SEC16B: variants seen among roughly 807,000 people sequenced by gnomAD.
The protein encoded by SEC16B is SEC16 homolog B, endoplasmic reticulum export factor, also known as protein transport protein Sec16B.
SEC16B carries 115 observed loss-of-function variants against 141.8 expected under a neutral mutation model. The observed-to-expected ratio is 0.81, with a 90% CI of 0.70 to 0.95. The LOEUF is 0.95. Ranked by LOEUF, SEC16B falls within the 40% of genes least tolerant of loss-of-function variation. SEC16B has a pLI of 0.00. For synonymous variants in SEC16B, 493 were observed against 492.5 expected, an observed-to-expected ratio of 1.00 and a Z score of -0.01; for missense variants, 1,291 against 1,312.3, an observed-to-expected ratio of 0.98 and a Z score of 0.25.
At chr1:177,968,578 G>A (rs990376646) in intron 1 of SEC16B, among the ~76,000 whole-genome samples, 5 of 152,190 alleles carry the variant, frequency 3.3e-5, no homozygotes, top group Admixed American at 6.5e-5. Context: ...TAACCTATGC[G>A]AAGTGCGTAA....
At chr1:177,979,541 A>C (rs1654315128) in intron 1 of SEC16B, among the ~76,000 whole-genome samples, 1 of 152,232 alleles carries the variant, frequency 6.6e-6, no homozygotes, top group Admixed American at 6.5e-5. Flanking sequence ...GCATAGCAGG[A>C]CAATTTCCAT....
At position 177,976,115 on chromosome 1, in the gene SEC16B, G is replaced by A. The variant is rs568725194; in HGVS notation, c.-58-8076C>T. 3.3e-5 allele frequency among the ~76,000 whole-genome samples: 5 copies of A among 152,302 alleles called. No individual in the cohort carries two copies. The East Asian group carries it at 9.7e-4, about 29-fold the overall frequency. On this transcript the variant is annotated intron_variant and NMD_transcript_variant, in intron 1 of 24. Coordinates refer to the SEC16B transcript ENST00000528461. ...TACAGGACCAAGGCACCCTGTGGTT[G>A]CACCCACAAAGGACTCCTTCAAATG...
rs949126896 is a variant in SEC16B at position 177,965,789 on chromosome 1, C to T, written c.412+104G>A. On this transcript the variant is annotated intron_variant, in intron 3 of 25. Coordinates refer to ENST00000308284, the MANE Select transcript of SEC16B (RefSeq NM_033127.4). ...GGTCTCGTCTGGCCAAGAAAGGATG[C>T]CCAAGGTGAGGGTCTGAACATGGCT... 6.2e-6 allele frequency: 4 copies of T among 642,468 alleles called. No individual in the cohort carries two copies. The African/African-American group carries it at 7.3e-5, about 12-fold the overall frequency. The allele number at this position is 642,468 out of a possible 1,614,324, so 39.8% of individuals were successfully genotyped here.
At chr1:177,977,542 C>T (rs1428526684) in intron 1 of SEC16B, among the ~76,000 whole-genome samples, 4 of 152,154 alleles carry the variant, frequency 2.6e-5, no homozygotes, top group African/African-American at 4.8e-5. Flanking sequence ...CTTTCAGCTC[C>T]ATATAGAAAC....
At chr1:177,931,080 GC>G (rs1476305854) in intron 24 of SEC16B, among the ~76,000 whole-genome samples, 1 of 152,138 alleles carries the variant, frequency 6.6e-6, no homozygotes, top group African/African-American at 2.4e-5. Flanking sequence ...CTGGGTATCG[GC>G]CCAAAAGGAA....
chr1:177,951,987 C>A lies in SEC16B; in HGVS notation c.1472G>T (p.Ser491Ile). The A allele has an allele frequency of 6.2e-7, 1 of 1,600,284 alleles. No homozygotes were observed. The highest frequency in any genetic ancestry group is 8.5e-7 in the Non-Finnish European group (1 of 1,173,778). ...CAGTGGGTCATTGAGCGCCAGCGTGCTGGTGAAGCTGCGGAGAGAAGGATA... is the reference window on the plus strand; with the variant it reads ...CAGTGGGTCATTGAGCGCCAGCGTGATGGTGAAGCTGCGGAGAGAAGGATA... ...TYSWVMSGFT[S>I]TLALNDPLQT... is the part of the protein sequence containing the mutation. The change falls in exon 12 of 26, where the codon AGC becomes ATC. Residue 491 changes from serine (S) to isoleucine (I), a missense_variant. Physicochemically the swap from Ser to Ile is moderately radical, Grantham distance 142. Coordinates refer to ENST00000308284, the MANE Select transcript of SEC16B (RefSeq NM_033127.4).
At chr1:177,941,561 A>G (rs946102642) in intron 16 of SEC16B, among the ~76,000 whole-genome samples, 3 of 152,250 alleles carry the variant, frequency 2.0e-5, no homozygotes, top group Non-Finnish European at 4.4e-5. Context: ...TCACTAAAAT[A>G]TATTTTCTAA....
intron 16 of SEC16B, among the ~76,000 whole-genome samples, chr1:177,941,525 T>C (rs1651270587): frequency 6.6e-6 from 1 of 152,228 alleles, no homozygotes; most frequent in Non-Finnish European, 1.5e-5. Flanking sequence ...TAAAAGCATT[T>C]TAATAAGGAT....
chr1:177,975,074 G>A (rs74130805), upstream of SEC16B, among the ~76,000 whole-genome samples: 814 of 152,294 alleles, frequency 5.3e-3, 10 homozygotes, highest in African/African-American at 0.019. Flanking sequence ...GTGAGAATTT[G>A]GTAAGAGACT....
chr1:177,978,977 A>G (rs1259342835), intron 1 of SEC16B, among the ~76,000 whole-genome samples: 1 of 152,086 alleles, frequency 6.6e-6, no homozygotes, highest in African/African-American at 2.4e-5. Flanking sequence ...TATTTTCATT[A>G]CCCAGTGGCA....
At chr1:177,966,073 C>T (rs1653494675) in intron 2 of SEC16B, 68 bp from the exon 3 acceptor site, 1 of 922,116 alleles carries the variant, frequency 1.1e-6, no homozygotes, top group African/African-American at 1.7e-5. Context: ...CAATGAAGAA[C>T]TTGACAAACT....
chr1:177,961,843 G>T, intron 5 of SEC16B, 109 bp from the exon 6 acceptor site: 1 of 1,035,742 alleles, frequency 9.7e-7, no homozygotes, highest in Non-Finnish European at 1.4e-6. Flanking sequence ...TGTGTTGAAA[G>T]GATAAAAAGA....
chr1:177,954,850 G>A (rs918904653), intron 10 of SEC16B, among the ~76,000 whole-genome samples: 5 of 151,602 alleles, frequency 3.3e-5, no homozygotes, highest in African/African-American at 7.3e-5. Flanking sequence ...ATATCATGTC[G>A]TATACCACAA....
chr1:177,963,025 T>G (rs1417281496), intron 5 of SEC16B, among the ~76,000 whole-genome samples: 1 of 151,320 alleles, frequency 6.6e-6, no homozygotes, highest in Non-Finnish European at 1.5e-5. Flanking sequence ...GGAGGATCAC[T>G]TGAACCAGGG....
chr1:177,962,396 C>T (rs1044822029), intron 5 of SEC16B, among the ~76,000 whole-genome samples: 12 of 151,274 alleles, frequency 7.9e-5, no homozygotes, highest in African/African-American at 2.7e-4. Context: ...TTAATGAGCA[C>T]CTATTATGCT....
In SEC16B at chr1:177,968,128, T is replaced by C; in HGVS notation, c.-58-89A>G. 5.4e-6 allele frequency: 4 copies of C among 738,010 alleles called. No homozygotes were observed. In the East Asian group the frequency reaches 1.1e-4, roughly 20 times the overall value. The allele number at this position is 738,010 out of a possible 1,614,324, so 45.7% of individuals were successfully genotyped here. A position where few individuals can be genotyped will look rare whatever the true frequency, so the allele number is the denominator to read the frequency against. ...TTAGGTTTTGTGAAAAGAGCAGCTA[T>C]GGTCCTCGAAATATATCTAAAACAA... On this transcript the variant is annotated intron_variant, in intron 1 of 25. Coordinates refer to ENST00000308284, the MANE Select transcript of SEC16B (RefSeq NM_033127.4).
Position 177,930,660 on chromosome 1 carries a change from T to C in SEC16B, c.3013-17A>G, listed in dbSNP as rs2101893333. The C allele has an allele frequency of 1.3e-6, 2 of 1,593,236 alleles. No homozygotes were observed. The highest frequency in any genetic ancestry group is 1.7e-6 in the Non-Finnish European group (2 of 1,162,362). On this transcript the variant is annotated splice_polypyrimidine_tract_variant and intron_variant, in intron 24 of 25. Transcript: ENST00000308284. ...GGAAACACTCTGTGATGGAAAAGCA[T>C]GGAAAATCCCATCAGTGCCTGCCTC... is the stretch of plus-strand genomic sequence containing the variant.
chr1:177,974,358 G>A (rs1654084033), upstream of SEC16B, among the ~76,000 whole-genome samples: 1 of 152,176 alleles, frequency 6.6e-6, no homozygotes, highest in African/African-American at 2.4e-5. Context: ...CAAGTCTGAG[G>A]AAGGAGCTCT....
intron 12 of SEC16B, among the ~76,000 whole-genome samples, chr1:177,949,939 C>G (rs1038146830): frequency 1.5e-4 from 15 of 96,790 alleles, no homozygotes; most frequent in African/African-American, 7.5e-4. Context: ...TAAGCTAACT[C>G]TACTATTACA....
Sources: gnomAD v4.1 joint callset for allele counts (sites outside exome capture counted in the v4.1 genomes callset) on GRCh38, gnomAD v4.1.1 for gene constraint, MANE v1.5 for transcripts, NCBI Gene and HGNC (gene_info 2026-07-23, HGNC 2026-07-21) for gene names.